Variants in LCP2 observed in about 807,000 individuals in gnomAD.
The protein encoded by LCP2 is lymphocyte cytosolic protein 2, also known as 76 kDa tyrosine phosphoprotein.
Under a neutral mutation model 74.5 loss-of-function variants are expected in LCP2, and 29 were observed. The observed-to-expected ratio is 0.39, with a 90% CI of 0.29 to 0.53. The LOEUF (loss-of-function observed/expected upper bound fraction) is 0.53. LCP2 is among the 20% of genes least tolerant of loss of function. The pLI is 0.72. For synonymous variants in LCP2, 228 were observed against 229.5 expected (o/e 0.99, Z 0.06); for missense variants, 604 against 634.6 (o/e 0.95, Z 0.52).
chr5:170,261,312 G>A (rs957743333), intron 13 of LCP2, among the ~76,000 whole-genome samples, 175 bp from the exon 14 acceptor site: 1 of 151,934 alleles, frequency 6.6e-6, no homozygotes, highest in Non-Finnish European at 1.5e-5. Flanking sequence ...GGGAGATCTG[G>A]TTACTCCATG....
At chr5:170,270,040 T>C (rs1029446021) in intron 7 of LCP2, among the ~76,000 whole-genome samples, 24 of 152,202 alleles carry the variant, frequency 1.6e-4, no homozygotes, top group Non-Finnish European at 2.9e-4. Context: ...TCTCTGAAAG[T>C]ATATTATTTA....
intron 3 of LCP2, among the ~76,000 whole-genome samples, chr5:170,285,606 C>G (rs1561976980): frequency 6.6e-6 from 1 of 152,094 alleles, no homozygotes; most frequent in Non-Finnish European, 1.5e-5. Flanking sequence ...CTAATTATTC[C>G]CCACCACTAA....
rs1761548644 is a variant in LCP2 at position 170,256,252 on chromosome 5, ACATGTGTATG to A, written c.1150+264_1150+273del. Among the ~76,000 whole-genome samples, 1 of 152,028 alleles carries A rather than the reference ACATGTGTATG, an allele frequency of 6.6e-6. No homozygotes were observed. Among genetic ancestry groups the A allele is most frequent in the African/African-American group, 2.4e-5 (1 of 41,390 alleles). On this transcript the variant is annotated intron_variant, in intron 17 of 20. Transcript: ENST00000046794. This position sits in a 1 kb window ranked among gnomAD's most constrained non-coding sequence, Gnocchi z 4.5. Reference sequence around the variant, plus strand: ...CCTGTGTGCACATGTATATATGTGTACATGTGTATGCATGTGTGTGTGTGCATGTATATGT... The same window carrying A: ...CCTGTGTGCACATGTATATATGTGTACATGTGTGTGTGTGCATGTATATGT...
At chr5:170,287,918 C>T in intron 3 of LCP2, 52 bp downstream of exon 3, 1 of 1,548,800 alleles carries the variant, frequency 6.5e-7, no homozygotes. Flanking sequence ...CACACTACTC[C>T]CCATTCCCAC....
intron 3 of LCP2, among the ~76,000 whole-genome samples, chr5:170,287,005 A>G (rs144097883): frequency 6.6e-6 from 1 of 152,274 alleles, no homozygotes; most frequent in Non-Finnish European, 1.5e-5. Flanking sequence ...AAATGGAGAT[A>G]TAGCACATGA....
chr5:170,295,178 A>G (rs1278682790), intron 1 of LCP2, among the ~76,000 whole-genome samples: 1 of 152,204 alleles, frequency 6.6e-6, no homozygotes, highest in Non-Finnish European at 1.5e-5. Flanking sequence ...GTTCTCCTGC[A>G]AGTCAAAAGG....
At chr5:170,273,722 T>C in intron 6 of LCP2, 1 of 155,420 alleles carries the variant, frequency 6.4e-6, no homozygotes, top group Admixed American at 6.3e-5. Context: ...GGGGAGGGGT[T>C]GTACAATCCG....
intron 10 of LCP2, among the ~76,000 whole-genome samples, chr5:170,264,036 T>A (rs1761706160): frequency 2.0e-5 from 3 of 152,312 alleles, no homozygotes; most frequent in Non-Finnish European, 2.9e-5. Flanking sequence ...TTGGCTGTTG[T>A]AACCTGAAAC....
chr5:170,289,428 G>A (rs1046207172), intron 2 of LCP2, among the ~76,000 whole-genome samples: 2 of 152,152 alleles, frequency 1.3e-5, no homozygotes, highest in African/African-American at 4.8e-5. Flanking sequence ...TGGGGCTAGG[G>A]CATCTTAGCA....
Position 170,288,169 on chromosome 5 carries a change from G to C in LCP2, c.142-153C>G, listed in dbSNP as rs560321433. Among the ~76,000 whole-genome samples, 241 of 101,364 alleles carry C rather than the reference G, an allele frequency of 2.4e-3. 2 individuals carry two copies. The highest frequency in any genetic ancestry group is 9.0e-3 in the African/African-American group (232 of 25,772). 66.5% of individuals were successfully genotyped at this position (101,364 alleles called of 152,430 possible). A position where few individuals can be genotyped will look rare whatever the true frequency, so the allele number is the denominator to read the frequency against. ...CCTGCCCACCCACCCTCCCCAAGTAGGCAGCCTCTAGATGTTTTGCCTAAA... is the reference window on the plus strand; with the variant it reads ...CCTGCCCACCCACCCTCCCCAAGTACGCAGCCTCTAGATGTTTTGCCTAAA... On this transcript the variant is annotated intron_variant, in intron 2 of 20. Coordinates refer to ENST00000046794, the MANE Select transcript of LCP2 (RefSeq NM_005565.5).
At chr5:170,258,675 C>T (rs909766304) in intron 15 of LCP2, among the ~76,000 whole-genome samples, 191 bp downstream of exon 15, 7 of 152,304 alleles carry the variant, frequency 4.6e-5, no homozygotes, top group African/African-American at 1.4e-4. Flanking sequence ...TAGTCTTCTT[C>T]GGTAATCTAA....
intron 7 of LCP2, among the ~76,000 whole-genome samples, chr5:170,270,025 C>T (rs553221943): frequency 6.6e-6 from 1 of 152,306 alleles, no homozygotes; most frequent in South Asian, 2.1e-4. Context: ...CAATTTTCAG[C>T]GTACTCTCTG....
At chr5:170,290,251 G>A (rs1409812972) in intron 2 of LCP2, among the ~76,000 whole-genome samples, 1 of 152,222 alleles carries the variant, frequency 6.6e-6, no homozygotes, top group African/African-American at 2.4e-5. Context: ...GGTACAGAAA[G>A]AGGAAAGCCA....
chr5:170,246,248 G>A lies in LCP2; in HGVS notation c.*2449C>T, dbSNP rs115514566. Reference sequence around the variant, plus strand: ...AAACAAGCAGTTCATGTTCTTGAAGGCTGTTTAATGTTTTGAAGAATGGCT... The same window carrying A: ...AAACAAGCAGTTCATGTTCTTGAAGACTGTTTAATGTTTTGAAGAATGGCT... On this transcript the variant is annotated 3_prime_UTR_variant, in exon 21 of 21. Transcript: ENST00000046794. 849 of 736,116 alleles carry A rather than the reference G, an allele frequency of 1.2e-3. 7 individuals carry two copies. The African/African-American group carries it at 0.013, about 11-fold the overall frequency. The allele number at this position is 736,116 out of a possible 1,614,324, so 45.6% of individuals were successfully genotyped here. A position where few individuals can be genotyped will look rare whatever the true frequency, so the allele number is the denominator to read the frequency against.
rs767582514 is a variant in LCP2 at position 170,297,585 on chromosome 5, G to A, written c.27C>T (p.Arg9=). 3 of 1,612,708 alleles carry A rather than the reference G, an allele frequency of 1.9e-6. No individual in the cohort carries two copies. Among genetic ancestry groups the A allele is most frequent in the African/African-American group, 1.3e-5 (1 of 75,024 alleles). ...CGGGGTCCCAGCCCAGGACCTCTGA[G>A]CGAAAGGGCACATTCCTCAGTGCCA... is the stretch of plus-strand genomic sequence containing the variant. MALRNVPF[R]SEVLGWDPDS... The change falls in exon 1 of 21, where the codon CGC becomes CGT. Residue 9 remains arginine (R), a synonymous_variant. Coordinates refer to ENST00000046794, the MANE Select transcript of LCP2 (RefSeq NM_005565.5).
At position 170,261,087 on chromosome 5, in the gene LCP2, A is replaced by G. The variant is rs1761641247; in HGVS notation, c.957+20T>C. ...CTTTTCCCTGTATCAAGCACTTACA[A>G]ACTGACATTTTGTACTTACATTCTC... On this transcript the variant is annotated intron_variant, in intron 14 of 20. Transcript: ENST00000046794. 1 of 1,579,660 alleles carries G rather than the reference A, an allele frequency of 6.3e-7. No homozygotes were observed. Among genetic ancestry groups the G allele is most frequent in the Non-Finnish European group, 8.7e-7 (1 of 1,149,170 alleles).
At chr5:170,292,506 G>C (rs558627220) in intron 2 of LCP2, among the ~76,000 whole-genome samples, 2 of 152,280 alleles carry the variant, frequency 1.3e-5, no homozygotes, top group South Asian at 4.1e-4. Flanking sequence ...TCATGGTCAA[G>C]TTCCCTTACT....
At chr5:170,281,384 A>G (rs1356449781) in intron 3 of LCP2, among the ~76,000 whole-genome samples, 4 of 151,886 alleles carry the variant, frequency 2.6e-5, no homozygotes, top group African/African-American at 7.3e-5. Flanking sequence ...GGTTCACGCC[A>G]TTCTCCTGCC....
chr5:170,248,445 T>C lies in LCP2; in HGVS notation c.*252A>G, dbSNP rs182816176. ...AAATAATCTTTTAAAAAATGAATTA[T>C]TACAGTGCACTACTAGACTTCAAGT... On this transcript the variant is annotated 3_prime_UTR_variant, in exon 21 of 21. Transcript: ENST00000046794. 2.9e-6 allele frequency: 1 copy of C among 339,220 alleles called. No individual in the cohort carries two copies. The highest frequency in any genetic ancestry group is 8.2e-5 in the East Asian group (1 of 12,198). 21.0% of individuals were successfully genotyped at this position (339,220 alleles called of 1,614,324 possible).
Sources: gnomAD v4.1 joint callset for allele counts (sites outside exome capture counted in the v4.1 genomes callset) on GRCh38, gnomAD v4.1.1 for gene constraint, Gnocchi (gnomAD v3.1) non-coding constraint, MANE v1.5 for transcripts, NCBI Gene and HGNC (gene_info 2026-07-23, HGNC 2026-07-21) for gene names.